The following C12orf42 variants were observed in gnomAD, a reference collection of about 807,000 sequenced individuals.
C12orf42 encodes the protein chromosome 12 open reading frame 42, also known as uncharacterized protein C12orf42.
In C12orf42, 25 loss-of-function variants were observed where a neutral mutation model predicts 21.6. The ratio of observed to expected loss-of-function variants is 1.16; its 90% CI spans 0.84 to 1.62. The LOEUF is 1.62. C12orf42 is among the 40% of genes most tolerant of loss of function. The pLI is 0.00. For missense variants in C12orf42, 483 were observed against 459.3 expected (o/e 1.05, Z -0.47); for synonymous variants, 174 against 175.0 (o/e 0.99, Z 0.05).
At chr12:103,324,168 T>C (rs2040450327) in intron 4 of C12orf42, among the ~76,000 whole-genome samples, 1 of 152,116 alleles carries the variant, frequency 6.6e-6, no homozygotes, top group Non-Finnish European at 1.5e-5. Context: ...TCCTGTATCA[T>C]TTTTAGATTT....
At chr12:103,217,345 T>C in the C12orf42 span, among the ~76,000 whole-genome samples, 1 of 152,030 alleles carries the variant, frequency 6.6e-6, no homozygotes, top group African/African-American at 2.4e-5. Flanking sequence ...AGCAAGACCC[T>C]GTCTTTACAA....
Position 103,439,850 on chromosome 12 carries a change from C to T in C12orf42, c.79-38175G>A, listed in dbSNP as rs199544772. Among the ~76,000 whole-genome samples, 1,669 of 149,762 alleles carry T rather than the reference C, an allele frequency of 0.011. 159 individuals are homozygous for T. The East Asian group carries it at 0.24, about 22-fold the overall frequency. On this transcript the variant is annotated intron_variant, in intron 2 of 5. Transcript: ENST00000548883. The stretch of plus-strand genomic sequence containing the variant: ...TCAACCATTGTGGAAGTCAGTGTGG[C>T]GATTCCTCAGGGATCTAAAACTAGA...
At chr12:103,312,521 G>C (rs998849660) in intron 4 of C12orf42, among the ~76,000 whole-genome samples, 2 of 152,198 alleles carry the variant, frequency 1.3e-5, no homozygotes, top group Admixed American at 6.5e-5. Context: ...AATAAAATGA[G>C]CAGGATCAGA....
the C12orf42 span, among the ~76,000 whole-genome samples, chr12:103,118,916 A>C: frequency 1.3e-5 from 2 of 151,880 alleles, no homozygotes; most frequent in African/African-American, 4.8e-5. Context: ...TTAAAGATTT[A>C]GCCCTTGATT....
At chr12:103,138,795 A>G in the C12orf42 span, among the ~76,000 whole-genome samples, 7 of 152,062 alleles carry the variant, frequency 4.6e-5, no homozygotes, top group Middle Eastern at 0.01. Context: ...TGCCTTGCTC[A>G]CCCTCTGGCC....
At chr12:103,467,062 C>T (rs1223241488) in intron 2 of C12orf42, among the ~76,000 whole-genome samples, 2 of 152,160 alleles carry the variant, frequency 1.3e-5, no homozygotes, top group African/African-American at 4.8e-5. Flanking sequence ...GAGAACCAGA[C>T]CAAAGTAGCT....
chr12:103,322,111 GTGCGCGCGCGCGCGCACA>G (rs2040211360), intron 4 of C12orf42, among the ~76,000 whole-genome samples: 4 of 65,018 alleles, frequency 6.2e-5, no homozygotes, highest in African/African-American at 3.7e-4. Context: ...ACGCGCGTGC[GTGCGCGCGCGCGCGCACA>G]CACACACACA....
the C12orf42 span, among the ~76,000 whole-genome samples, chr12:103,099,974 A>AT: frequency 6.6e-6 from 1 of 152,162 alleles, no homozygotes. Flanking sequence ...CCACTACAGA[A>AT]TATTTTTGCC....
intron 1 of C12orf42, among the ~76,000 whole-genome samples, chr12:103,492,671 C>G (rs1955256678): frequency 1.3e-5 from 2 of 152,160 alleles, no homozygotes; most frequent in African/African-American, 2.4e-5. Flanking sequence ...ATCTTACCAG[C>G]CCAGCTCATC....
the C12orf42 span, among the ~76,000 whole-genome samples, chr12:103,502,880 G>A: frequency 3.3e-5 from 5 of 152,284 alleles, no homozygotes; most frequent in East Asian, 1.9e-4. Flanking sequence ...TGTGGTTCAC[G>A]GCGAGTGTTT....
chr12:103,098,136 C>T, the C12orf42 span, among the ~76,000 whole-genome samples: 5 of 152,266 alleles, frequency 3.3e-5, no homozygotes, highest in Non-Finnish European at 5.9e-5. Context: ...TCTGCAACTG[C>T]CAAAGGATGC....
chr12:103,467,611 A>T (rs1953249164), intron 2 of C12orf42, among the ~76,000 whole-genome samples: 1 of 152,206 alleles, frequency 6.6e-6, no homozygotes. Flanking sequence ...AACGCACTTC[A>T]GTAAATGGTC....
chr12:103,149,932 G>T, the C12orf42 span, among the ~76,000 whole-genome samples: 1 of 152,056 alleles, frequency 6.6e-6, no homozygotes, highest in South Asian at 2.1e-4. Flanking sequence ...TAGTAAGTCT[G>T]GGAATGTTAT....
At chr12:103,100,243 C>T in the C12orf42 span, among the ~76,000 whole-genome samples, 1 of 152,190 alleles carries the variant, frequency 6.6e-6, no homozygotes, top group African/African-American at 2.4e-5. Flanking sequence ...CCCGCAGAAT[C>T]GGTGAGCTGA....
chr12:103,468,207 C>T (rs182376583), intron 2 of C12orf42, among the ~76,000 whole-genome samples: 4 of 152,282 alleles, frequency 2.6e-5, no homozygotes, highest in African/African-American at 9.6e-5. Flanking sequence ...TCTTAACCAC[C>T]TTCCTGATTT....
downstream of C12orf42, among the ~76,000 whole-genome samples, chr12:103,233,037 T>C (rs2033351870): frequency 6.6e-6 from 1 of 152,198 alleles, no homozygotes; most frequent in Non-Finnish European, 1.5e-5. Context: ...CCTGCTCTTC[T>C]AGCAACTTTG....
downstream of C12orf42, chr12:103,267,856 T>A (rs1430563377): frequency 2.6e-5 from 4 of 152,192 alleles, no homozygotes; most frequent in Non-Finnish European, 1.5e-5. Flanking sequence ...AATTTACCTT[T>A]GGTTTTCCAG....
the C12orf42 span, among the ~76,000 whole-genome samples, chr12:103,527,542 C>T: frequency 6.6e-6 from 1 of 152,290 alleles, no homozygotes. Context: ...AATAAATCCT[C>T]TTATTGTTCA....
chr12:103,481,670 C>G (rs529781733), intron 1 of C12orf42, among the ~76,000 whole-genome samples: 1 of 150,858 alleles, frequency 6.6e-6, no homozygotes, highest in African/African-American at 2.4e-5. Context: ...AAAAAAATAC[C>G]GTCTGACAAC....
Sources: gnomAD v4.1 joint callset for allele counts (sites outside exome capture counted in the v4.1 genomes callset) on GRCh38, gnomAD v4.1.1 for gene constraint, MANE v1.5 for transcripts, NCBI Gene and HGNC (gene_info 2026-07-23, HGNC 2026-07-21) for gene names.